Variants in FN1 observed in about 807,000 individuals in gnomAD.
FN1 encodes the protein fibronectin.
Under a neutral mutation model 297.3 loss-of-function variants are expected in FN1, and 106 were observed. That is an observed-to-expected ratio of 0.36 (90% CI 0.30 to 0.42). The LOEUF is 0.42. Ranked by LOEUF, FN1 falls within the 10% of genes least tolerant of loss-of-function variation. The pLI is 1.00. For synonymous variants in FN1, 1,149 were observed against 1,152.6 expected, an observed-to-expected ratio of 1.00 and a Z score of 0.06; for missense variants, 2,690 against 3,124.9, an observed-to-expected ratio of 0.86 and a Z score of 3.32.
At chr2:215,401,701 G>A (rs1199543249) in intron 20 of FN1, among the ~76,000 whole-genome samples, 1 of 152,068 alleles carries the variant, frequency 6.6e-6, no homozygotes, top group East Asian at 1.9e-4. Flanking sequence ...CTCAACTCCA[G>A]TCAATTTTTT....
intron 6 of FN1, among the ~76,000 whole-genome samples, chr2:215,426,273 C>G (rs1018027587): frequency 6.6e-6 from 1 of 151,020 alleles, no homozygotes; most frequent in East Asian, 2.0e-4. Context: ...CTCAGCCTCC[C>G]GAGTAGCTGG....
At chr2:215,431,061 A>G (rs973580694) in intron 4 of FN1, among the ~76,000 whole-genome samples, 1 of 152,180 alleles carries the variant, frequency 6.6e-6, no homozygotes, top group Non-Finnish European at 1.5e-5. Context: ...GCAGGCAGAA[A>G]TTCCATTCTC....
Position 215,380,899 on chromosome 2 carries a change from G to A in FN1, c.5346C>T (p.Gly1782=). ...DGEEDTAELQ[G]LRPGSEYTVS... is the part of the protein sequence containing the mutation. ...CTGTGTACTCAGAACCCGGTCTGAG[G>A]CCTTGCAGCTCTGCAGTGTCTTCTT... is the stretch of plus-strand genomic sequence containing the variant. Residue 1782 remains glycine, a synonymous_variant, in exon 33 of 46, where the codon GGC becomes GGT. Transcript: ENST00000354785. 6.2e-7 allele frequency: 1 copy of A among 1,614,174 alleles called. No individual in the cohort carries two copies. The highest frequency in any genetic ancestry group is 8.5e-7 in the Non-Finnish European group (1 of 1,180,022).
chr2:215,370,486 C>T, intron 40 of FN1, 54 bp from the exon 41 acceptor site: 2 of 1,476,788 alleles, frequency 1.4e-6, no homozygotes, highest in South Asian at 1.1e-5. Flanking sequence ...TGAGGAATGA[C>T]ACGGGCTCTC....
At chr2:215,399,413 T>G in intron 20 of FN1, 62 bp from the exon 21 acceptor site, 2 of 1,092,346 alleles carry the variant, frequency 1.8e-6, no homozygotes, top group Non-Finnish European at 2.8e-6. Flanking sequence ...GCATAGCATA[T>G]AGATAACAAG....
intron 44 of FN1, among the ~76,000 whole-genome samples, chr2:215,363,838 A>T (rs2054002945): frequency 1.3e-5 from 2 of 152,218 alleles, no homozygotes; most frequent in African/African-American, 4.8e-5. Context: ...TATACTGGGC[A>T]TATTTTAGAA....
intron 32 of FN1, chr2:215,381,590 C>T (rs936657704): frequency 1.8e-5 from 4 of 217,176 alleles, no homozygotes; most frequent in African/African-American, 7.1e-5. Flanking sequence ...TCTTCTGCCT[C>T]AGCCTCCTGA....
At position 215,372,073 on chromosome 2, in the gene FN1, C is replaced by T. The variant is rs1314873830; in HGVS notation, c.6550G>A (p.Asp2184Asn). The T allele has an allele frequency of 3.7e-6, 6 of 1,614,230 alleles. No individual in the cohort carries two copies. The highest frequency in any genetic ancestry group is 2.2e-5 in the East Asian group (1 of 44,884). The change falls in exon 40 of 46, where the codon GAT becomes AAT. Residue 2184 changes from aspartate (D) to asparagine (N), a missense_variant. Coordinates refer to ENST00000354785, the MANE Select transcript of FN1 (RefSeq NM_212482.4). ...EIQIGHIPRE[D>N]VDYHLYPHGP... is the part of the protein sequence containing the mutation. ...TGTGGGTACAGGTGATAGTCTACAT[C>T]TTCCCTGGGGATGTGACCAATTTGG...
chr2:215,400,857 G>A (rs574701842), intron 20 of FN1, among the ~76,000 whole-genome samples: 11 of 150,130 alleles, frequency 7.3e-5, no homozygotes, highest in South Asian at 2.1e-4. Context: ...GTGCAGTGGC[G>A]CAATCTCATC....
chr2:215,420,601 T>C (rs1317816471), intron 11 of FN1, 72 bp downstream of exon 11: 3 of 1,587,824 alleles, frequency 1.9e-6, no homozygotes, highest in East Asian at 2.2e-5. Flanking sequence ...TGATTTCACA[T>C]AGCTTTTCTT....
At chr2:215,394,095 A>G (rs1032759794) in intron 24 of FN1, among the ~76,000 whole-genome samples, 3 of 152,248 alleles carry the variant, frequency 2.0e-5, no homozygotes, top group Non-Finnish European at 4.4e-5. Flanking sequence ...CAGTGCTCAC[A>G]TACAGGGACA....
intron 3 of FN1, 97 bp from the exon 4 acceptor site, chr2:215,432,061 G>T: frequency 7.0e-7 from 1 of 1,431,344 alleles, no homozygotes; most frequent in Non-Finnish European, 9.8e-7. Flanking sequence ...GTTGGCTAAA[G>T]TAGAGACACA....
Position 215,419,365 on chromosome 2 carries a change from T to TCTCTGAATC in FN1, c.1687_1695dup (p.Asp563_Glu565dup). Reference sequence around the variant, plus strand: ...TCTCCAATTTGATAAAACGTCCCAGTCTCTGAATCCTGGCATTGGTCTAAA... The same window carrying TCTCTGAATC: ...TCTCCAATTTGATAAAACGTCCCAGTCTCTGAATCCTCTGAATCCTGGCATTGGTCTAAA... On this transcript the variant is annotated inframe_insertion, in exon 12 of 46. Coordinates refer to ENST00000354785, the MANE Select transcript of FN1 (RefSeq NM_212482.4). 6.2e-7 allele frequency: 1 copy of TCTCTGAATC among 1,613,434 alleles called. No homozygotes were observed. The highest frequency in any genetic ancestry group is 1.1e-5 in the South Asian group (1 of 91,074).
chr2:215,424,353 T>C, intron 7 of FN1, 28 bp from the exon 8 acceptor site: 1 of 1,592,126 alleles, frequency 6.3e-7, no homozygotes. Flanking sequence ...AGAGTGTCAG[T>C]AAACAGAGAT....
rs755318371 is a variant in FN1, at chr2:215,373,417, G to T, written c.6158-6C>A. ...TTCGGTTCCCGGTTCCAGGCCTGAAGGGAGAATAGAACCATCACATTATGT... is the reference window on the plus strand; with the variant it reads ...TTCGGTTCCCGGTTCCAGGCCTGAATGGAGAATAGAACCATCACATTATGT... On this transcript the variant is annotated splice_polypyrimidine_tract_variant and splice_region_variant and intron_variant, in intron 38 of 45. Transcript: ENST00000354785. 6.2e-7 allele frequency: 1 copy of T among 1,609,942 alleles called. No individual in the cohort carries two copies. Among genetic ancestry groups the T allele is most frequent in the Non-Finnish European group, 8.5e-7 (1 of 1,176,668 alleles).
intron 33 of FN1, 166 bp from the exon 34 acceptor site, chr2:215,379,483 T>G (rs1012439810): frequency 6.4e-6 from 4 of 625,752 alleles, no homozygotes; most frequent in Non-Finnish European, 1.1e-5. Flanking sequence ...GGATGCAAAA[T>G]GAAGAAAGTG....
chr2:215,424,946 A>G (rs574779801), intron 7 of FN1, 148 bp downstream of exon 7: 32 of 770,750 alleles, frequency 4.2e-5, no homozygotes, highest in Middle Eastern at 2.7e-4. Context: ...GGAAGAAACT[A>G]TTTCAAATGC....
intron 13 of FN1, among the ~76,000 whole-genome samples, chr2:215,410,339 A>C (rs2062423948): frequency 6.6e-6 from 1 of 152,210 alleles, no homozygotes; most frequent in Non-Finnish European, 1.5e-5. Context: ...GCTGCAGTTT[A>C]CTTACTGATA....
Position 215,406,254 on chromosome 2 carries a change from A to G in FN1, c.2970T>C (p.Thr990=). The G allele has an allele frequency of 1.2e-6, 2 of 1,614,146 alleles. No individual in the cohort carries two copies. Among genetic ancestry groups the G allele is most frequent in the Non-Finnish European group, 1.7e-6 (2 of 1,179,978 alleles). The change falls in exon 19 of 46, where the codon ACT becomes ACC. Residue 990 remains threonine (T), a synonymous_variant. Transcript: ENST00000354785. ...VSHGRESKPL[T]AQQTTKLDAP... Reference sequence around the variant, plus strand: ...AAGACATACTGGTTGTCTGTTGAGCAGTCAGAGGCTTGCTCTCCCTCCCAT... The same window carrying G: ...AAGACATACTGGTTGTCTGTTGAGCGGTCAGAGGCTTGCTCTCCCTCCCAT...
Sources: allele counts gnomAD v4.1 joint callset (sites outside exome capture counted in the v4.1 genomes callset), GRCh38; gene constraint gnomAD v4.1.1; transcripts MANE v1.5; gene names NCBI Gene and HGNC (gene_info 2026-07-23, HGNC 2026-07-21).